Variants in PPFIBP2 observed in about 807,000 individuals in gnomAD.
PPFIBP2 encodes liprin-beta-2.
Under a neutral mutation model 118.3 loss-of-function variants are expected in PPFIBP2, and 118 were observed. That is an observed-to-expected ratio of 1.00 (90% CI 0.86 to 1.16). The LOEUF (loss-of-function observed/expected upper bound fraction) is 1.16, where lower values mean the gene tolerates loss of function less well. Ranked by LOEUF, PPFIBP2 falls within the 50% of genes most tolerant of loss-of-function variation. The pLI is 0.00. For synonymous variants in PPFIBP2, 414 were observed against 397.4 expected (o/e 1.04, Z -0.50); for missense variants, 1,195 against 1,073.1 (o/e 1.11, Z -1.59).
At chr11:7,663,620 C>T in the PPFIBP2 span, among the ~76,000 whole-genome samples, 1 of 152,242 alleles carries the variant, frequency 6.6e-6, no homozygotes, top group Non-Finnish European at 1.5e-5. Context: ...TTCCCTGCCC[C>T]CAGAGGTGGA....
At chr11:7,545,938 A>G (rs1186203076) in intron 1 of PPFIBP2, among the ~76,000 whole-genome samples, 1 of 152,172 alleles carries the variant, frequency 6.6e-6, no homozygotes, top group East Asian at 1.9e-4. Context: ...TTCAATCACC[A>G]AGGACTGAGC....
rs888182333 is a variant in PPFIBP2 at position 7,623,678 on chromosome 11, A to G, written c.712-2099A>G. On this transcript the variant is annotated intron_variant, in intron 7 of 23. Transcript: ENST00000299492. The stretch of plus-strand genomic sequence containing the variant: ...ATCGGTCCACATTGCTGAATTCCCA[A>G]CTGTGGGGCCAGCAGACAAGCATCA... 3.9e-5 allele frequency among the ~76,000 whole-genome samples: 6 copies of G among 152,156 alleles called. No homozygotes were observed. The East Asian group carries it at 9.6e-4, about 24-fold the overall frequency.
At chr11:7,645,021 C>T (rs1331548134) in intron 17 of PPFIBP2, among the ~76,000 whole-genome samples, 124 of 72,566 alleles carry the variant, frequency 1.7e-3, no homozygotes, top group African/African-American at 6.6e-3. Flanking sequence ...AGCAAGACTC[C>T]GTCTCAAAAA....
chr11:7,660,837 T>A (rs981307250), downstream of PPFIBP2, among the ~76,000 whole-genome samples: 2 of 151,720 alleles, frequency 1.3e-5, no homozygotes, highest in Non-Finnish European at 2.9e-5. Context: ...CTGTTATTGG[T>A]GCATTCAGAG....
chr11:7,642,418 A>C lies in PPFIBP2; in HGVS notation c.1638A>C (p.Gly546=). Residue 546 remains glycine, a synonymous_variant, in exon 17 of 24, where the codon GGA becomes GGC. Transcript: ENST00000299492. ...TCTCTAGGACCAGGGACTCCAAGGG[A>C]CAGAAAAGGTAAGGCTTGACCCACT... ...PRLSRTRDSK[G]QKSDANAPFA... The C allele has an allele frequency of 6.2e-7, 1 of 1,613,192 alleles. No individual in the cohort carries two copies. Among genetic ancestry groups the C allele is most frequent in the Non-Finnish European group, 8.5e-7 (1 of 1,179,486 alleles).
intron 10 of PPFIBP2, 121 bp downstream of exon 10, chr11:7,629,655 G>C: frequency 1.1e-6 from 1 of 932,856 alleles, no homozygotes; most frequent in Non-Finnish European, 1.7e-6. Context: ...CCCTACTGGA[G>C]AACAGAGCTG....
intron 1 of PPFIBP2, among the ~76,000 whole-genome samples, chr11:7,519,480 G>C (rs557953958): frequency 6.6e-6 from 1 of 152,236 alleles, no homozygotes; most frequent in South Asian, 2.1e-4. Context: ...TTCATTTGCC[G>C]GCCATTTGGA....
intron 5 of PPFIBP2, chr11:7,597,908 G>C (rs1860674084): frequency 2.2e-6 from 1 of 456,330 alleles, no homozygotes; most frequent in African/African-American, 2.0e-5. Context: ...TGCTGAGCTG[G>C]TTAGACAGAT....
In PPFIBP2 at chr11:7,639,742, T is replaced by A. The variant is rs780253449; in HGVS notation, c.1247T>A (p.Phe416Tyr). The A allele has an allele frequency of 6.8e-6, 11 of 1,614,048 alleles. No individual in the cohort carries two copies. The highest frequency in any genetic ancestry group is 9.3e-6 in the Non-Finnish European group (11 of 1,180,022). ...CTCACCTTCCAATAGGACAGCCCTT[T>A]CTTGGCGGAGCACAAATATCCCACT... ...FPVLEPKDSPFLAEHKYPTLP... is the reference protein window; with the variant it reads ...FPVLEPKDSPYLAEHKYPTLP... The change falls in exon 15 of 24, where the codon TTC becomes TAC. Residue 416 changes from phenylalanine to tyrosine, a missense_variant. By Grantham distance (22) the Phe-to-Tyr change is conservative. Coordinates refer to ENST00000299492, the MANE Select transcript of PPFIBP2 (RefSeq NM_003621.5).
chr11:7,518,866 G>A (rs75574711), intron 1 of PPFIBP2, among the ~76,000 whole-genome samples: 10,864 of 152,278 alleles, frequency 0.071, 420 homozygotes, highest in African/African-American at 0.1. Context: ...GATGGCGCTC[G>A]AGCGAGTATG....
chr11:7,593,376 C>T (rs1238220756), intron 4 of PPFIBP2, 152 bp downstream of exon 4: 3 of 1,223,204 alleles, frequency 2.5e-6, no homozygotes, highest in African/African-American at 1.5e-5. Flanking sequence ...TGAAATAAAA[C>T]ATTAAGTAAC....
rs553934716 is a variant in PPFIBP2, at chr11:7,561,637, C to T, written c.65-3916C>T. 2.6e-5 allele frequency among the ~76,000 whole-genome samples: 4 copies of T among 152,186 alleles called. No individual in the cohort carries two copies. In the South Asian group the frequency reaches 8.3e-4, roughly 32 times the overall value. The stretch of plus-strand genomic sequence containing the variant: ...TTTTTTCTGTGAGGGTAATTCTAGC[C>T]ACATATTTTAGCAGTGTATGGCAAG... On this transcript the variant is annotated intron_variant, in intron 2 of 23. Coordinates refer to ENST00000299492, the MANE Select transcript of PPFIBP2 (RefSeq NM_003621.5).
intron 5 of PPFIBP2, 35 bp from the exon 6 acceptor site, chr11:7,610,256 T>C (rs1409364027): frequency 1.2e-6 from 2 of 1,605,698 alleles, no homozygotes; most frequent in African/African-American, 1.3e-5. Flanking sequence ...ATTGCCATAG[T>C]GGTTTCTGAT....
At chr11:7,607,061 C>T (rs1847455431) in intron 5 of PPFIBP2, among the ~76,000 whole-genome samples, 1 of 150,930 alleles carries the variant, frequency 6.6e-6, no homozygotes. Flanking sequence ...CAGGTGCCCA[C>T]CACCACACCT....
intron 22 of PPFIBP2, 93 bp from the exon 23 acceptor site, chr11:7,651,563 A>AC: frequency 8.5e-7 from 1 of 1,181,422 alleles, no homozygotes; most frequent in Non-Finnish European, 1.2e-6. Flanking sequence ...CTCTGGAGGC[A>AC]CCCCCAGCCC....
chr11:7,629,596 C>T, intron 10 of PPFIBP2, 62 bp downstream of exon 10: 4 of 1,518,050 alleles, frequency 2.6e-6, no homozygotes, highest in African/African-American at 1.4e-5. Context: ...GTGTTAAAGC[C>T]AGGGGCAGTT....
chr11:7,622,187 G>A (rs1849429611), intron 7 of PPFIBP2, among the ~76,000 whole-genome samples: 1 of 152,196 alleles, frequency 6.6e-6, no homozygotes, highest in African/African-American at 2.4e-5. Flanking sequence ...AATCATGGCA[G>A]AAGGAAAAAG....
At chr11:7,558,617 G>T (rs965850884) in intron 2 of PPFIBP2, among the ~76,000 whole-genome samples, 1 of 151,978 alleles carries the variant, frequency 6.6e-6, no homozygotes, top group Non-Finnish European at 1.5e-5. Context: ...TTAGCCAGGC[G>T]TGGTGGCGCG....
chr11:7,660,936 G>A (rs1854877343), downstream of PPFIBP2, among the ~76,000 whole-genome samples: 1 of 152,020 alleles, frequency 6.6e-6, no homozygotes, highest in Admixed American at 6.5e-5. Flanking sequence ...TATTTGCGTA[G>A]AGGTGTTTGT....
Sources: allele counts gnomAD v4.1 joint callset (sites outside exome capture counted in the v4.1 genomes callset), GRCh38; gene constraint gnomAD v4.1.1; transcripts MANE v1.5; gene names NCBI Gene and HGNC (gene_info 2026-07-23, HGNC 2026-07-21).